ASAP1: variants seen among roughly 807,000 people sequenced by gnomAD.
ASAP1 encodes the protein ArfGAP with SH3 domain, ankyrin repeat and PH domain 1, also known as arf-GAP with SH3 domain, ANK repeat and PH domain-containing protein 1.
ASAP1 carries 43 observed loss-of-function variants against 145.2 expected under a neutral mutation model. That is an observed-to-expected ratio of 0.30 (90% CI 0.23 to 0.38). The LOEUF is 0.38. ASAP1 is among the 10% of genes least tolerant of loss of function. The pLI is 1.00. For synonymous variants in ASAP1, 546 were observed against 515.5 expected (o/e 1.06, Z -0.80); for missense variants, 1,018 against 1,355.3 (o/e 0.75, Z 3.91).
intron 4 of ASAP1, among the ~76,000 whole-genome samples, chr8:130,229,566 A>T (rs186904510): frequency 3.3e-5 from 5 of 152,316 alleles, no homozygotes; most frequent in Admixed American, 2.0e-4. Context: ...CTTTATGTAA[A>T]CAGTGAAAAT....
chr8:130,441,758 C>T (rs745784567), intron 1 of ASAP1, among the ~76,000 whole-genome samples: 4 of 152,164 alleles, frequency 2.6e-5, no homozygotes, highest in Non-Finnish European at 5.9e-5. Context: ...CAATTTCCCT[C>T]ACCAAATGGC....
chr8:130,176,049 A>G (rs992482822), intron 9 of ASAP1, among the ~76,000 whole-genome samples: 1 of 152,254 alleles, frequency 6.6e-6, no homozygotes, highest in Admixed American at 6.5e-5. Flanking sequence ...GACAATGTTC[A>G]TGTCTGAAAT....
chr8:130,216,717 C>T (rs1384727010), intron 4 of ASAP1, among the ~76,000 whole-genome samples: 1 of 152,106 alleles, frequency 6.6e-6, no homozygotes, highest in Non-Finnish European at 1.5e-5. Context: ...ATTGATATCC[C>T]CAGCCCAGAA....
At chr8:130,369,675 A>C (rs548852505) in intron 2 of ASAP1, among the ~76,000 whole-genome samples, 2 of 152,340 alleles carry the variant, frequency 1.3e-5, no homozygotes, top group African/African-American at 4.8e-5. Context: ...ATGAAATGCC[A>C]CTTTGCACCC....
intron 2 of ASAP1, among the ~76,000 whole-genome samples, chr8:130,391,847 A>AC (rs1828300599): frequency 6.6e-6 from 1 of 152,254 alleles, no homozygotes; most frequent in African/African-American, 2.4e-5. Context: ...GGGTTCTCTC[A>AC]AACAGGAAGC....
intron 29 of ASAP1, among the ~76,000 whole-genome samples, chr8:130,055,799 A>G (rs1372881330): frequency 6.6e-6 from 1 of 152,230 alleles, no homozygotes; most frequent in Non-Finnish European, 1.5e-5. Context: ...ATCGATAGAG[A>G]GGAAGGTGGT....
intron 18 of ASAP1, among the ~76,000 whole-genome samples, chr8:130,119,707 TAA>T (rs2097562488): frequency 6.6e-6 from 1 of 152,150 alleles, no homozygotes; most frequent in Non-Finnish European, 1.5e-5. Context: ...AGCTAATTAA[TAA>T]AGACAGTAAA....
chr8:130,352,739 G>C (rs1315418661), intron 3 of ASAP1, among the ~76,000 whole-genome samples: 4 of 152,054 alleles, frequency 2.6e-5, no homozygotes, highest in African/African-American at 9.7e-5. Flanking sequence ...GGTGAAAAAA[G>C]GTATTAAATA....
chr8:130,251,396 C>T (rs551078931), intron 3 of ASAP1, among the ~76,000 whole-genome samples: 17 of 151,840 alleles, frequency 1.1e-4, no homozygotes, highest in Non-Finnish European at 2.1e-4. Context: ...CAAGCCTGGG[C>T]GATAGAGTGA....
chr8:130,299,496 C>T (rs184447123), intron 3 of ASAP1, among the ~76,000 whole-genome samples: 3 of 152,328 alleles, frequency 2.0e-5, no homozygotes, highest in Admixed American at 2.0e-4. Flanking sequence ...CTTTCTCATC[C>T]TCATCCCCTT....
At chr8:130,058,973 A>C (rs1385813733) in intron 28 of ASAP1, among the ~76,000 whole-genome samples, 1 of 152,226 alleles carries the variant, frequency 6.6e-6, no homozygotes, top group African/African-American at 2.4e-5. Context: ...AGATTAAATG[A>C]CATAATAAAA....
intron 5 of ASAP1, among the ~76,000 whole-genome samples, chr8:130,188,506 G>A (rs1814896720): frequency 6.6e-6 from 1 of 152,104 alleles, no homozygotes; most frequent in African/African-American, 2.4e-5. Flanking sequence ...GGCTGAGGCA[G>A]GAGGATCACT....
chr8:130,281,234 C>T (rs1219864969), intron 3 of ASAP1, among the ~76,000 whole-genome samples: 1 of 152,108 alleles, frequency 6.6e-6, no homozygotes, highest in African/African-American at 2.4e-5. Flanking sequence ...AATAAATAAA[C>T]CTACAACTCA....
intron 4 of ASAP1, among the ~76,000 whole-genome samples, chr8:130,234,969 C>T (rs111583310): frequency 3.4e-4 from 52 of 152,284 alleles, no homozygotes; most frequent in Middle Eastern, 3.4e-3. Context: ...ATTTGTTAGG[C>T]ACCTACTATG....
At chr8:130,253,859 A>G (rs532276366) in intron 3 of ASAP1, among the ~76,000 whole-genome samples, 2 of 152,264 alleles carry the variant, frequency 1.3e-5, no homozygotes, top group Admixed American at 1.3e-4. Context: ...CGTCTCTACT[A>G]AAAATATAAA....
At chr8:130,267,049 AG>A (rs941974791) in intron 3 of ASAP1, among the ~76,000 whole-genome samples, 1 of 151,742 alleles carries the variant, frequency 6.6e-6, no homozygotes, top group African/African-American at 2.4e-5. Flanking sequence ...TCAAAAAAAA[AG>A]TAGTCATTAA....
chr8:130,342,702 G>A (rs1313469497), intron 3 of ASAP1, among the ~76,000 whole-genome samples: 1 of 152,170 alleles, frequency 6.6e-6, no homozygotes, highest in Non-Finnish European at 1.5e-5. Flanking sequence ...GACAGCTCAA[G>A]GACAAAATGT....
In ASAP1 at chr8:130,436,234, T is replaced by C. The variant is rs1830307695; in HGVS notation, c.-28+7226A>G. ...GTAAAATGTATAGTCATTAAAATTA[T>C]AAACTCTCACCTGTAATCCTAGTAC... On this transcript the variant is annotated intron_variant, in intron 1 of 29. Coordinates refer to ENST00000518721, the MANE Select transcript of ASAP1 (RefSeq NM_018482.4). Among the ~76,000 whole-genome samples the C allele has an allele frequency of 2.0e-5, 3 of 152,262 alleles. No individual in the cohort carries two copies. The South Asian group carries it at 6.2e-4, about 31-fold the overall frequency.
chr8:130,344,055 A>G (rs1825552961), intron 3 of ASAP1, among the ~76,000 whole-genome samples: 1 of 152,214 alleles, frequency 6.6e-6, no homozygotes, highest in Non-Finnish European at 1.5e-5. Flanking sequence ...TATTAATAAC[A>G]AAAGTCTGTT....
Sources: gnomAD v4.1 joint callset for allele counts (sites outside exome capture counted in the v4.1 genomes callset) on GRCh38, gnomAD v4.1.1 for gene constraint, MANE v1.5 for transcripts, NCBI Gene and HGNC (gene_info 2026-07-23, HGNC 2026-07-21) for gene names.